The following WASF3 variants were observed in gnomAD, a reference collection of about 807,000 sequenced individuals.
WASF3 encodes actin-binding protein WASF3.
A neutral mutation model predicts 46.6 loss-of-function variants in WASF3; 11 were observed. The ratio of observed to expected loss-of-function variants is 0.24; its 90% CI spans 0.15 to 0.39. WASF3 has a LOEUF of 0.39. Ranked by LOEUF, WASF3 falls within the 10% of genes least tolerant of loss-of-function variation. The pLI is 1.00. For missense variants in WASF3, 576 were observed against 669.8 expected (o/e 0.86, Z 1.55); for synonymous variants, 242 against 259.7 (o/e 0.93, Z 0.65).
intron 1 of WASF3, among the ~76,000 whole-genome samples, chr13:26,584,389 AC>A (rs764284698): frequency 6.6e-6 from 1 of 152,198 alleles, no homozygotes; most frequent in Non-Finnish European, 1.5e-5. Context: ...TAAAAAGGTG[AC>A]CTTAATTTCC....
At chr13:26,558,842 T>C (rs1879190343) in intron 1 of WASF3, among the ~76,000 whole-genome samples, 1 of 152,228 alleles carries the variant, frequency 6.6e-6, no homozygotes, top group Admixed American at 6.5e-5. Context: ...TATTTTAAGA[T>C]TCAGAGTCTA....
At chr13:26,675,481 T>TACACACACACAC (rs56162218) in intron 6 of WASF3, among the ~76,000 whole-genome samples, 8 of 145,660 alleles carry the variant, frequency 5.5e-5, no homozygotes, top group African/African-American at 1.5e-4. Context: ...TAGACACACA[T>TACACACACACAC]ACACACACAC....
chr13:26,562,809 G>A (rs1238679385), intron 1 of WASF3, among the ~76,000 whole-genome samples: 2 of 149,506 alleles, frequency 1.3e-5, no homozygotes, highest in Non-Finnish European at 3.0e-5. Flanking sequence ...GACATTAACT[G>A]GAGAGGGGCA....
intron 1 of WASF3, among the ~76,000 whole-genome samples, chr13:26,563,261 T>C (rs1429594085): frequency 1.3e-5 from 2 of 152,148 alleles, no homozygotes; most frequent in African/African-American, 4.8e-5. Context: ...TGTTTTGCTA[T>C]GTTGCCCAAG....
chr13:26,604,163 C>T (rs921829930), intron 1 of WASF3, among the ~76,000 whole-genome samples: 2 of 152,158 alleles, frequency 1.3e-5, no homozygotes, highest in Non-Finnish European at 2.9e-5. Context: ...ATGAGTCTTC[C>T]ATTAGACTGT....
intron 2 of WASF3, among the ~76,000 whole-genome samples, chr13:26,624,656 C>T (rs1881410755): frequency 2.0e-5 from 3 of 151,446 alleles, no homozygotes; most frequent in Non-Finnish European, 4.4e-5. Context: ...TTTTTAAGAA[C>T]CCTCCAAGTT....
At chr13:26,567,210 G>T (rs925395321) in intron 1 of WASF3, among the ~76,000 whole-genome samples, 1 of 152,214 alleles carries the variant, frequency 6.6e-6, no homozygotes, top group African/African-American at 2.4e-5. Flanking sequence ...CCCTCAAACA[G>T]TCATTCAGGA....
At chr13:26,579,397 A>G (rs1312360060) in intron 1 of WASF3, among the ~76,000 whole-genome samples, 4 of 152,166 alleles carry the variant, frequency 2.6e-5, no homozygotes, top group Admixed American at 2.6e-4. Flanking sequence ...TAGCAGACAC[A>G]TACATTCAAA....
In WASF3 at chr13:26,686,022, A is replaced by G; in HGVS notation, c.*177A>G. On this transcript the variant is annotated 3_prime_UTR_variant, in exon 10 of 10. Transcript: ENST00000335327. ...TTCAGTATTTACTGTGTAATACTTA[A>G]GTGCCACTAAACATAGCAAATTGTG... The G allele has an allele frequency of 1.3e-6, 1 of 762,390 alleles. No individual in the cohort carries two copies. The highest frequency in any genetic ancestry group is 2.7e-5 in the East Asian group (1 of 36,484). The allele number at this position is 762,390 out of a possible 1,614,324, so 47.2% of individuals were successfully genotyped here. A position where few individuals can be genotyped will look rare whatever the true frequency, so the allele number is the denominator to read the frequency against.
In WASF3 at chr13:26,681,256, C is replaced by G. The variant is rs752781175; in HGVS notation, c.919C>G (p.Pro307Ala). The change falls in exon 8 of 10, where the codon CCG becomes GCG. Residue 307 changes from proline (P) to alanine (A), a missense_variant. Around this residue, in one of 3 missense-constraint regions of WASF3, gnomAD observed 295 missense variants for 291.5 expected, o/e 1.01. Transcript: ENST00000335327. ...ALNRPQQPPP[P>A]PPPQAPEGSQ... Reference sequence around the variant, plus strand: ...CAACAGACCTCAGCAGCCGCCCCCCCCGCCTCCCCCTCAGGCCCCAGAGGG... The same window carrying G: ...CAACAGACCTCAGCAGCCGCCCCCCGCGCCTCCCCCTCAGGCCCCAGAGGG... 1.9e-6 allele frequency: 3 copies of G among 1,613,430 alleles called. No homozygotes were observed. The highest frequency in any genetic ancestry group is 1.7e-4 in the Middle Eastern group (1 of 6,060).
intron 1 of WASF3, among the ~76,000 whole-genome samples, chr13:26,608,581 T>G (rs1321562453): frequency 6.6e-6 from 1 of 152,192 alleles, no homozygotes; most frequent in Non-Finnish European, 1.5e-5. Context: ...TGACATTGTT[T>G]TTGCCTCACT....
chr13:26,605,561 T>C (rs1880768621), intron 1 of WASF3, among the ~76,000 whole-genome samples: 1 of 152,170 alleles, frequency 6.6e-6, no homozygotes, highest in Non-Finnish European at 1.5e-5. Context: ...GTGTTGTCTA[T>C]GTGCCAAGTA....
intron 3 of WASF3, among the ~76,000 whole-genome samples, chr13:26,653,116 A>G (rs1425748482): frequency 6.6e-6 from 1 of 152,182 alleles, no homozygotes; most frequent in Non-Finnish European, 1.5e-5. Context: ...TAGGCTCTGC[A>G]TCCACGTGTC....
At chr13:26,637,006 T>C (rs1881846206) in intron 2 of WASF3, among the ~76,000 whole-genome samples, 1 of 152,210 alleles carries the variant, frequency 6.6e-6, no homozygotes, top group African/African-American at 2.4e-5. Context: ...TCTGCCACCC[T>C]CTGGAGCATG....
chr13:26,545,738 G>A, the WASF3 span, among the ~76,000 whole-genome samples: 2 of 152,130 alleles, frequency 1.3e-5, no homozygotes, highest in Non-Finnish European at 1.5e-5. Flanking sequence ...CTGAGTAACT[G>A]GGACTACAGG....
At chr13:26,647,610 G>A (rs191025663) in intron 3 of WASF3, among the ~76,000 whole-genome samples, 279 of 152,162 alleles carry the variant, frequency 1.8e-3, no homozygotes, top group African/African-American at 5.5e-3. Context: ...TTTGTGCCAA[G>A]GATGACAAAA....
intron 1 of WASF3, among the ~76,000 whole-genome samples, chr13:26,598,523 G>A (rs1001619729): frequency 6.6e-6 from 1 of 152,166 alleles, no homozygotes; most frequent in Non-Finnish European, 1.5e-5. Context: ...TATCTATCCC[G>A]GCAAAAGGCT....
At chr13:26,680,485 A>G (rs967799605) in intron 7 of WASF3, among the ~76,000 whole-genome samples, 1 of 152,222 alleles carries the variant, frequency 6.6e-6, no homozygotes, top group African/African-American at 2.4e-5. Flanking sequence ...TTGTGTGCAA[A>G]GAAAACTATG....
chr13:26,582,676 CAAAAA>C (rs398022033), intron 1 of WASF3, among the ~76,000 whole-genome samples: 3 of 53,400 alleles, frequency 5.6e-5, no homozygotes, highest in African/African-American at 1.6e-4. Context: ...GACTCCGTCT[CAAAAA>C]AAAAAAAAAA....
Sources: gnomAD v4.1 joint callset for allele counts (sites outside exome capture counted in the v4.1 genomes callset) on GRCh38, gnomAD v4.1.1 for gene constraint, gnomAD v4.1.1 regional missense constraint, MANE v1.5 for transcripts, NCBI Gene and HGNC (gene_info 2026-07-23, HGNC 2026-07-21) for gene names.